Variants in ZNF510 observed in about 807,000 individuals in gnomAD.
The protein encoded by ZNF510 is zinc finger protein 510.
ZNF510 carries 15 observed loss-of-function variants against 18.1 expected under a neutral mutation model. The observed-to-expected ratio is 0.83, with a 90% confidence interval of 0.55 to 1.28. The LOEUF (loss-of-function observed/expected upper bound fraction) is 1.28, where lower values mean the gene tolerates loss of function less well. Among genes scored for constraint, ZNF510 ranks in the 50% most tolerant of loss-of-function variants. The pLI is 0.00. For missense variants in ZNF510, 724 were observed against 791.8 expected (o/e 0.91, Z 1.03); for synonymous variants, 261 against 266.4 (o/e 0.98, Z 0.20).
At chr9:96,760,873 A>G (rs1849330953) in intron 5 of ZNF510, among the ~76,000 whole-genome samples, 1 of 152,160 alleles carries the variant, frequency 6.6e-6, no homozygotes, top group Non-Finnish European at 1.5e-5. Context: ...AGATAACAGG[A>G]ATTTTGGAAT....
At chr9:96,765,066 TCG>T (rs919892020) in intron 3 of ZNF510, among the ~76,000 whole-genome samples, 5 of 152,020 alleles carry the variant, frequency 3.3e-5, no homozygotes, top group Admixed American at 3.3e-4. Context: ...TGAGCTGAGA[TCG>T]CGCCACTGCA....
rs1849697487 is a variant in ZNF510 at position 96,776,099 on chromosome 9, G to A, written c.-30C>T. On this transcript the variant is annotated 5_prime_UTR_variant, in exon 2 of 6. Transcript: ENST00000223428. The stretch of plus-strand genomic sequence containing the variant: ...AAGTCTGGTGCTCTCTGGGCAAGGG[G>A]ATGAAGAAGTGCCGCTGGTTGGGCA... The A allele has an allele frequency of 1.3e-6, 2 of 1,582,124 alleles. No homozygotes were observed. The highest frequency in any genetic ancestry group is 1.2e-5 in the South Asian group (1 of 86,350).
chr9:96,760,348 G>A lies in ZNF510; in HGVS notation c.482C>T (p.Thr161Ile). ...EEEKVLGKPFTLHVAAVASTK... is the reference protein window; with the variant it reads ...EEEKVLGKPFILHVAAVASTK... ...TGAAGCAACAGCAGCTACATGCAGA[G>A]TAAATGGTTTCCCCAAAACTTTCTC... The change falls in exon 6 of 6, where the codon ACT becomes ATT. Residue 161 changes from threonine (T) to isoleucine (I), a missense_variant. Thr to Ile is a moderately conservative substitution (Grantham distance 89). Transcript: ENST00000223428. 1 of 1,613,854 alleles carries A rather than the reference G, an allele frequency of 6.2e-7. No individual in the cohort carries two copies. The highest frequency in any genetic ancestry group is 8.5e-7 in the Non-Finnish European group (1 of 1,179,876).
rs371685073 is a variant in ZNF510, at chr9:96,759,650, G to A, written c.1180C>T (p.Arg394Cys). 3.5e-5 allele frequency: 56 copies of A among 1,613,444 alleles called. No individual in the cohort carries two copies. The highest frequency in any genetic ancestry group is 2.3e-4 in the Admixed American group (14 of 59,994). The change falls in exon 6 of 6, where the codon CGC becomes TGC. Residue 394 changes from arginine (R) to cysteine (C), a missense_variant. Physicochemically the swap from Arg to Cys is radical, Grantham distance 180 (BLOSUM62 -3). Coordinates refer to ENST00000223428, the MANE Select transcript of ZNF510 (RefSeq NM_014930.3). The stretch of plus-strand genomic sequence containing the variant: ...TTCATCATTGAGTGACTTCTTCGGC[G>A]AACTCTGTGAACCGACGTCTGGTAG... ...KSYQTSVHRV[R>C]RRSHSMMKPY... is the part of the protein sequence containing the mutation.
chr9:96,764,975 T>C (rs1475722227), intron 3 of ZNF510, among the ~76,000 whole-genome samples: 1 of 150,896 alleles, frequency 6.6e-6, no homozygotes, highest in Non-Finnish European at 1.5e-5. Context: ...TAGCCGGGTG[T>C]GGTGGTGAGT....
chr9:96,763,618 G>T lies in ZNF510; in HGVS notation c.144C>A (p.Phe48Leu). The T allele has an allele frequency of 1.2e-6, 2 of 1,611,514 alleles. No individual in the cohort carries two copies. Among genetic ancestry groups the T allele is most frequent in the Non-Finnish European group, 1.7e-6 (2 of 1,178,826 alleles). Reference protein sequence around the residue: ...KMNISQASVSFKDVTIEFTQE... With the variant: ...KMNISQASVSLKDVTIEFTQE... ...GGGTGAATTCTATAGTCACGTCCTT[G>T]AATGACACTGATGCCTGTAACAGTA... The change falls in exon 4 of 6, where the codon TTC (phenylalanine) becomes TTA (leucine). Residue 48 changes from phenylalanine to leucine, a missense_variant. Transcript: ENST00000223428.
chr9:96,763,269 A>T, intron 4 of ZNF510, 56 bp from the exon 5 acceptor site: 1 of 1,565,906 alleles, frequency 6.4e-7, no homozygotes, highest in East Asian at 2.2e-5. Flanking sequence ...TTTAGTCTCC[A>T]AAAGTGGAAG....
intron 3 of ZNF510, among the ~76,000 whole-genome samples, chr9:96,766,380 AT>A (rs542441576): frequency 0.012 from 1,806 of 145,594 alleles, 25 homozygotes; most frequent in African/African-American, 0.042. Flanking sequence ...ACCACTACCA[AT>A]TTTTTTTTTT....
chr9:96,761,693 A>G (rs1176470166), intron 5 of ZNF510, among the ~76,000 whole-genome samples: 10 of 152,162 alleles, frequency 6.6e-5, no homozygotes, highest in South Asian at 6.2e-4. Flanking sequence ...CTAAAATGTC[A>G]TTGAATTTTG....
At position 96,758,841 on chromosome 9, in the gene ZNF510, T is replaced by C. The variant is rs16911522; in HGVS notation, c.1989A>G (p.Lys663=). The change falls in exon 6 of 6, where the codon AAA becomes AAG. Residue 663 remains lysine (K), a synonymous_variant. Transcript: ENST00000223428. ...EKSYECNEYG[K]LCKKSTLSLY... is the part of the protein sequence containing the mutation. The stretch of plus-strand genomic sequence containing the variant: ...AGCTTAGGGTAGACTTCTTACATAA[T>C]TTCCCATATTCATTGCATTCATAAG... The C allele has an allele frequency of 7.7e-3, 12,416 of 1,613,050 alleles. 390 individuals carry two copies. The East Asian group carries it at 0.096, about 12-fold the overall frequency.
chr9:96,774,822 A>G lies in ZNF510; in HGVS notation c.95T>C (p.Leu32Pro). The G allele has an allele frequency of 6.2e-7, 1 of 1,614,050 alleles. No individual in the cohort carries two copies. The highest frequency in any genetic ancestry group is 1.1e-5 in the South Asian group (1 of 91,072). ...GTTCATTTTCTGCTGCTCCTGAAAGAGTGTGGAGAACCGTAAAGGATAACC... is the reference window on the plus strand; with the variant it reads ...GTTCATTTTCTGCTGCTCCTGAAAGGGTGTGGAGAACCGTAAAGGATAACC... ...EGGYPLRFST[L>P]FQEQQKMNIS... is the part of the protein sequence containing the mutation. Residue 32 changes from leucine to proline, a missense_variant, in exon 3 of 6, where the codon CTC becomes CCC. Coordinates refer to ENST00000223428, the MANE Select transcript of ZNF510 (RefSeq NM_014930.3).
At chr9:96,772,229 C>A (rs1443990279) in intron 3 of ZNF510, among the ~76,000 whole-genome samples, 2 of 152,212 alleles carry the variant, frequency 1.3e-5, no homozygotes, top group Non-Finnish European at 2.9e-5. Context: ...GAAATATGAA[C>A]CTTGACACTC....
At position 96,754,621 on chromosome 9, in the gene ZNF510, G is replaced by T. The variant is rs1849155427; in HGVS notation, c.*4157C>A. Among the ~76,000 whole-genome samples the T allele has an allele frequency of 6.6e-6, 1 of 152,114 alleles. No homozygotes were observed. Among genetic ancestry groups the T allele is most frequent in the Non-Finnish European group, 1.5e-5 (1 of 68,014 alleles). On this transcript the variant is annotated 3_prime_UTR_variant, in exon 6 of 6. Coordinates refer to ENST00000223428, the MANE Select transcript of ZNF510 (RefSeq NM_014930.3). ...TGACAAAGATCTGAAGAACAGTTCT[G>T]TACACTTCTGAAGATTAAGAACAAG...
chr9:96,765,597 C>T (rs1588128870), intron 3 of ZNF510, among the ~76,000 whole-genome samples: 1 of 151,890 alleles, frequency 6.6e-6, no homozygotes, highest in Admixed American at 6.6e-5. Context: ...ACTGCAACCC[C>T]CGCCTCCCAG....
intron 3 of ZNF510, among the ~76,000 whole-genome samples, chr9:96,770,854 A>C (rs1849570715): frequency 6.6e-6 from 1 of 152,132 alleles, no homozygotes; most frequent in Admixed American, 6.5e-5. Context: ...TATACTAAAA[A>C]CCACAAAATT....
At chr9:96,763,811 A>G (rs1849411438) in intron 3 of ZNF510, 179 bp from the exon 4 acceptor site, 1 of 587,236 alleles carries the variant, frequency 1.7e-6, no homozygotes, top group Middle Eastern at 3.9e-4. Context: ...AAAAGTTTTT[A>G]TAGGAGAGGT....
intron 2 of ZNF510, 60 bp downstream of exon 2, chr9:96,775,940 A>G (rs537200265): frequency 5.1e-6 from 8 of 1,560,008 alleles, no homozygotes; most frequent in East Asian, 4.7e-5. Flanking sequence ...AAAGCCCTCC[A>G]GTAATGTGGC....
chr9:96,761,655 CAT>C (rs150027477), intron 5 of ZNF510, among the ~76,000 whole-genome samples: 8,982 of 152,122 alleles, frequency 0.059, 868 homozygotes, highest in African/African-American at 0.2. Context: ...TGATTTTCTT[CAT>C]AGTTTTATCA....
At chr9:96,761,561 TACAACTTCTCTATGCTTAGAATTCAC>T (rs568806783) in intron 5 of ZNF510, among the ~76,000 whole-genome samples, 9,081 of 152,070 alleles carry the variant, frequency 0.06, 883 homozygotes, top group African/African-American at 0.21. Context: ...TATGCTTGGT[TACAACTTCTCTATGCTTAGAATTCAC>T]ACAACTTCTC....
Sources: gnomAD v4.1 joint callset for allele counts (sites outside exome capture counted in the v4.1 genomes callset) on GRCh38, gnomAD v4.1.1 for gene constraint, MANE v1.5 for transcripts, NCBI Gene and HGNC (gene_info 2026-07-23, HGNC 2026-07-21) for gene names.